The following DGKB variants were observed in gnomAD, a reference collection of about 807,000 sequenced individuals.
DGKB encodes the protein 90 kDa diacylglycerol kinase.
Under a neutral mutation model 114.3 loss-of-function variants are expected in DGKB, and 67 were observed. The ratio of observed to expected loss-of-function variants is 0.59; its 90% CI spans 0.48 to 0.72. The LOEUF is 0.72. Ranked by LOEUF, DGKB falls within the 30% of genes least tolerant of loss-of-function variation. The pLI is 0.00. For missense variants in DGKB, 907 were observed against 975.2 expected (o/e 0.93, Z 0.93); for synonymous variants, 398 against 323.1 (o/e 1.23, Z -2.49).
At chr7:14,405,166 T>A (rs1030245075) in intron 21 of DGKB, among the ~76,000 whole-genome samples, 1 of 151,950 alleles carries the variant, frequency 6.6e-6, no homozygotes, top group African/African-American at 2.4e-5. Context: ...CAGTGTTGCA[T>A]ATGTGGATAA....
intron 23 of DGKB, among the ~76,000 whole-genome samples, chr7:14,231,127 C>CTTTCTTTCT (rs766348040): frequency 8.0e-6 from 1 of 125,100 alleles, no homozygotes; most frequent in East Asian, 2.3e-4. Context: ...TTCTTTCTTT[C>CTTTCTTTCT]TTTCTTTCTT....
At chr7:14,496,284 G>T (rs372195911) in intron 20 of DGKB, among the ~76,000 whole-genome samples, 4 of 150,750 alleles carry the variant, frequency 2.7e-5, no homozygotes, top group African/African-American at 4.9e-5. Flanking sequence ...GAAGCAATTT[G>T]TTCTTGGGTT....
chr7:14,323,479 G>A (rs1198324512), intron 23 of DGKB, among the ~76,000 whole-genome samples: 16 of 152,114 alleles, frequency 1.1e-4, no homozygotes, highest in Non-Finnish European at 1.8e-4. Context: ...GTAGGGAATC[G>A]GAGGAGATGG....
chr7:14,533,802 A>C (rs1172281869), intron 20 of DGKB, among the ~76,000 whole-genome samples: 1 of 151,988 alleles, frequency 6.6e-6, no homozygotes. Context: ...ATTGTCAACC[A>C]AAAGTACTCA....
rs554939107 is a variant in DGKB at position 14,539,019 on chromosome 7, G to T, written c.1770+35193C>A. On this transcript the variant is annotated intron_variant, in intron 20 of 25. Transcript: ENST00000402815. ...CTGTTGCTTAGTGAGTGTAAAGTTT[G>T]TTATACAAAATGAGTAAATCATTTT... is the stretch of plus-strand genomic sequence containing the variant. 3.9e-5 allele frequency among the ~76,000 whole-genome samples: 6 copies of T among 152,130 alleles called. No homozygotes were observed. The East Asian group carries it at 1.2e-3, about 29-fold the overall frequency.
intron 13 of DGKB, among the ~76,000 whole-genome samples, chr7:14,639,928 A>T (rs951614240): frequency 2.0e-4 from 30 of 152,316 alleles, no homozygotes; most frequent in African/African-American, 6.0e-4. Flanking sequence ...GTTACACTAA[A>T]GTGGGTTGAG....
chr7:14,646,827 A>C (rs1813124732), intron 13 of DGKB, among the ~76,000 whole-genome samples: 1 of 152,028 alleles, frequency 6.6e-6, no homozygotes, highest in African/African-American at 2.4e-5. Flanking sequence ...GAGCAAAAGA[A>C]GTGCTAAGAG....
chr7:14,198,297 T>C (rs1785315215), intron 23 of DGKB, among the ~76,000 whole-genome samples: 1 of 152,088 alleles, frequency 6.6e-6, no homozygotes, highest in South Asian at 2.1e-4. Context: ...ACAGCAGTTG[T>C]CAAGGTATGG....
intron 25 of DGKB, among the ~76,000 whole-genome samples, chr7:14,151,970 T>C (rs957374756): frequency 3.9e-5 from 6 of 152,030 alleles, no homozygotes; most frequent in Admixed American, 3.9e-4. Context: ...ATTCCAGGTG[T>C]AGGCTCTAGG....
In DGKB at chr7:14,543,684, T is replaced by G. The variant is rs55753463; in HGVS notation, c.1770+30528A>C. On this transcript the variant is annotated intron_variant, in intron 20 of 25. Coordinates refer to ENST00000402815, the MANE Select transcript of DGKB (RefSeq NM_001350709.2). ...AAATTAAAAACTATTTGTAAAGAAT[T>G]TAGCACAATGTTACTCTCACACATA... is the stretch of plus-strand genomic sequence containing the variant. 4.6e-3 allele frequency among the ~76,000 whole-genome samples: 707 copies of G among 152,226 alleles called. 2 individuals carry two copies. Among genetic ancestry groups the G allele is most frequent in the African/African-American group, 0.016 (650 of 41,542 alleles).
rs149939178 is a variant in DGKB at position 14,434,915 on chromosome 7, T to C, written c.1835+43246A>G. ...GATCGTATGTTTACAATATGTTTCT[T>C]TCACACTAAGCTTGTTTTGCCAGTA... On this transcript the variant is annotated intron_variant, in intron 21 of 25. Coordinates refer to ENST00000402815, the MANE Select transcript of DGKB (RefSeq NM_001350709.2). 1.2e-4 allele frequency among the ~76,000 whole-genome samples: 18 copies of C among 152,220 alleles called. No individual in the cohort carries two copies. In the East Asian group the frequency reaches 2.7e-3, roughly 23 times the overall value.
chr7:14,176,925 T>C, intron 24 of DGKB, 26 bp from the exon 25 acceptor site: 2 of 1,612,334 alleles, frequency 1.2e-6, no homozygotes, highest in Non-Finnish European at 1.7e-6. Context: ...TCATTGTAAG[T>C]ATTGCAAGGA....
chr7:14,250,824 G>A (rs528788356), intron 23 of DGKB, among the ~76,000 whole-genome samples: 34 of 152,236 alleles, frequency 2.2e-4, no homozygotes, highest in East Asian at 3.9e-4. Flanking sequence ...TATTTGGTGC[G>A]TATATGCATA....
intron 1 of DGKB, among the ~76,000 whole-genome samples, chr7:14,961,188 A>G (rs1786822420): frequency 1.3e-5 from 2 of 152,080 alleles, no homozygotes; most frequent in Non-Finnish European, 2.9e-5. Context: ...ATATTTTGAA[A>G]ATATTTGCAT....
intron 20 of DGKB, among the ~76,000 whole-genome samples, chr7:14,487,392 G>A (rs775388720): frequency 2.0e-5 from 3 of 152,072 alleles, no homozygotes; most frequent in African/African-American, 7.2e-5. Context: ...AAGCCAAGAT[G>A]AATCTAGAAT....
intron 2 of DGKB, among the ~76,000 whole-genome samples, chr7:14,773,643 T>C (rs1837734531): frequency 2.0e-5 from 3 of 152,066 alleles, no homozygotes; most frequent in Non-Finnish European, 2.9e-5. Flanking sequence ...TCTTCACATA[T>C]ATAGTAATAT....
intron 21 of DGKB, among the ~76,000 whole-genome samples, chr7:14,366,152 T>A (rs1355885155): frequency 6.6e-6 from 1 of 152,150 alleles, no homozygotes; most frequent in East Asian, 1.9e-4. Flanking sequence ...AGACTGTTTT[T>A]TATTTCTTAT....
At chr7:14,284,891 T>C (rs1009754377) in intron 23 of DGKB, among the ~76,000 whole-genome samples, 3 of 145,856 alleles carry the variant, frequency 2.1e-5, no homozygotes, top group Non-Finnish European at 4.5e-5. Flanking sequence ...GGGATAGCAT[T>C]GGGAGATATA....
At chr7:14,633,623 T>A (rs186157153) in intron 13 of DGKB, among the ~76,000 whole-genome samples, 1 of 151,846 alleles carries the variant, frequency 6.6e-6, no homozygotes, top group Non-Finnish European at 1.5e-5. Flanking sequence ...TTTTTAAATA[T>A]CAAAGATGAG....
Sources: gnomAD v4.1 joint callset for allele counts (sites outside exome capture counted in the v4.1 genomes callset) on GRCh38, gnomAD v4.1.1 for gene constraint, MANE v1.5 for transcripts, NCBI Gene and HGNC (gene_info 2026-07-23, HGNC 2026-07-21) for gene names.